The following OOSP2 variants were observed in gnomAD, a reference collection of about 807,000 sequenced individuals.
The protein encoded by OOSP2 is oocyte secreted protein 2, also known as oocyte-secreted protein 2.
Under a neutral mutation model 13.4 loss-of-function variants are expected in OOSP2, and 7 were observed. The ratio of observed to expected loss-of-function variants is 0.52; its 90% CI spans 0.30 to 0.98. OOSP2 has a LOEUF of 0.98. Among genes scored for constraint, OOSP2 ranks in the 50% least tolerant of loss-of-function variants. The probability of loss-of-function intolerance (pLI) is 0.07; values close to 1 mark genes in which losing one functional copy is unlikely to be tolerated. For synonymous variants in OOSP2, 75 were observed against 67.2 expected (o/e 1.12, Z -0.57); for missense variants, 184 against 188.5 (o/e 0.98, Z 0.14).
In OOSP2 at chr11:60,047,494, CAT is replaced by C. The variant is rs1354533853; in HGVS notation, c.*424_*425del. 2.6e-4 allele frequency: 40 copies of C among 152,778 alleles called. No homozygotes were observed. The highest frequency in any genetic ancestry group is 2.5e-3 in the Admixed American group (38 of 15,294). 9.5% of individuals were successfully genotyped at this position (152,778 alleles called of 1,614,324 possible). On this transcript the variant is annotated 3_prime_UTR_variant, in exon 4 of 4. Transcript: ENST00000278855. ...ACTTTGAGCATAGTGTAAAATTTAA[CAT>C]ATTAACTCTCACGAAAGGCAAAATC... is the stretch of plus-strand genomic sequence containing the variant.
rs553333442 is a variant in OOSP2 at position 60,042,983 on chromosome 11, C to G, written c.65-486C>G. Among the ~76,000 whole-genome samples, 233 of 152,168 alleles carry G rather than the reference C, an allele frequency of 1.5e-3. 2 individuals are homozygous for G. Among genetic ancestry groups the G allele is most frequent in the African/African-American group, 5.4e-3 (224 of 41,498 alleles). On this transcript the variant is annotated intron_variant, in intron 1 of 3. Transcript: ENST00000278855. Reference sequence around the variant, plus strand: ...GCAGTGGCGCGATCTTGGTTCACTGCAAGCCCCGCCTCCTGGGTTCTCGCC... The same window carrying G: ...GCAGTGGCGCGATCTTGGTTCACTGGAAGCCCCGCCTCCTGGGTTCTCGCC...
chr11:60,041,435 G>C (rs948046708), intron 1 of OOSP2, among the ~76,000 whole-genome samples: 1 of 152,144 alleles, frequency 6.6e-6, no homozygotes, highest in Non-Finnish European at 1.5e-5. Flanking sequence ...GGGTGGGTAG[G>C]GTGTTTAGGC....
chr11:60,046,184 G>A (rs571968366), intron 3 of OOSP2, among the ~76,000 whole-genome samples: 11 of 144,124 alleles, frequency 7.6e-5, no homozygotes, highest in African/African-American at 2.8e-4. Context: ...CCTCTCTCTC[G>A]GTTTCTCTGT....
intron 3 of OOSP2, among the ~76,000 whole-genome samples, chr11:60,045,584 T>A (rs988039686): frequency 6.7e-6 from 1 of 150,366 alleles, no homozygotes; most frequent in Admixed American, 6.7e-5. Flanking sequence ...AATTTTTTTT[T>A]AATTTTGGTA....
At chr11:60,041,009 G>A (rs1193869087) in intron 1 of OOSP2, among the ~76,000 whole-genome samples, 1 of 152,204 alleles carries the variant, frequency 6.6e-6, no homozygotes, top group East Asian at 1.9e-4. Context: ...GTTCTGCAAA[G>A]TTAATAGGAG....
chr11:60,044,979 G>A (rs997101288), intron 3 of OOSP2, among the ~76,000 whole-genome samples: 1 of 151,282 alleles, frequency 6.6e-6, no homozygotes, highest in Non-Finnish European at 1.5e-5. Flanking sequence ...GTTTATTTTA[G>A]AATAAAAACA....
rs535128699 is a variant in OOSP2 at position 60,043,150 on chromosome 11, C to T, written c.65-319C>T. 3.0e-4 allele frequency among the ~76,000 whole-genome samples: 45 copies of T among 152,224 alleles called. No individual in the cohort carries two copies. In the East Asian group the frequency reaches 7.3e-3, roughly 25 times the overall value. On this transcript the variant is annotated intron_variant, in intron 1 of 3. Coordinates refer to ENST00000278855, the MANE Select transcript of OOSP2 (RefSeq NM_173801.5). ...CGATCTCCTGACCTTGTAATGCGCC[C>T]GCCTCGGCCTCCCAAAAGGCTGGGA... is the stretch of plus-strand genomic sequence containing the variant.
chr11:60,047,264 G>T lies in OOSP2; in HGVS notation c.*191G>T. 2 of 463,514 alleles carry T rather than the reference G, an allele frequency of 4.3e-6. No individual in the cohort carries two copies. The highest frequency in any genetic ancestry group is 7.6e-6 in the Non-Finnish European group (2 of 262,010). The allele number at this position is 463,514 out of a possible 1,614,324, so 28.7% of individuals were successfully genotyped here. ...ATTTCTAAATATTTGTATTCAGTAGGGGTATGGCTGATTAATTTAACATTA... is the reference window on the plus strand; with the variant it reads ...ATTTCTAAATATTTGTATTCAGTAGTGGTATGGCTGATTAATTTAACATTA... On this transcript the variant is annotated 3_prime_UTR_variant, in exon 4 of 4. Transcript: ENST00000278855.
chr11:60,041,671 T>G (rs1854928866), intron 1 of OOSP2, among the ~76,000 whole-genome samples: 1 of 151,402 alleles, frequency 6.6e-6, no homozygotes, highest in Non-Finnish European at 1.5e-5. Context: ...GCCAACATGG[T>G]GAAACCTCGT....
Position 60,047,197 on chromosome 11 carries a change from C to T in OOSP2, c.*124C>T. 1 of 752,974 alleles carries T rather than the reference C, an allele frequency of 1.3e-6. No individual in the cohort carries two copies. Among genetic ancestry groups the T allele is most frequent in the Non-Finnish European group, 2.2e-6 (1 of 464,802 alleles). The allele number at this position is 752,974 out of a possible 1,614,324, so 46.6% of individuals were successfully genotyped here. On this transcript the variant is annotated 3_prime_UTR_variant, in exon 4 of 4. Transcript: ENST00000278855. ...CTTAAGTCTCTGGTTTCTAAAAACC[C>T]TACTTCAGTAAAGGTCCTGATTAGT...
At chr11:60,043,694 C>A (rs1854970612) in intron 2 of OOSP2, 47 bp downstream of exon 2, 1 of 1,040,080 alleles carries the variant, frequency 9.6e-7, no homozygotes, top group Non-Finnish European at 1.5e-6. Flanking sequence ...TTTTGTCAGA[C>A]TTTTATGCCT....
intron 3 of OOSP2, among the ~76,000 whole-genome samples, chr11:60,046,167 CGCTCTGCCTCTCTCTCGGTT>C (rs1855005957): frequency 6.6e-6 from 1 of 151,498 alleles, no homozygotes; most frequent in Non-Finnish European, 1.5e-5. Context: ...CTCTGTCTCT[CGCTCTGCCTCTCTCTCGGTT>C]TCTCTGTCTC....
intron 3 of OOSP2, among the ~76,000 whole-genome samples, chr11:60,046,023 C>CCTCTGT (rs146122045): frequency 0.23 from 33,929 of 149,986 alleles, 4,314 homozygotes; most frequent in East Asian, 0.41. Flanking sequence ...TCTGCCTTTG[C>CCTCTGT]CTCTGTCTCT....
intron 1 of OOSP2, among the ~76,000 whole-genome samples, chr11:60,040,729 T>A (rs1245791611): frequency 1.3e-5 from 2 of 152,212 alleles, no homozygotes; most frequent in East Asian, 3.8e-4. Flanking sequence ...CAGGCTTTTA[T>A]TTCTCTCTCT....
chr11:60,046,898 C>G (rs1366201823), intron 3 of OOSP2, 46 bp from the exon 4 acceptor site: 1 of 1,560,878 alleles, frequency 6.4e-7, no homozygotes, highest in African/African-American at 1.4e-5. Context: ...CTGACTTGAT[C>G]CCAAGTGCTC....
At chr11:60,042,666 C>T (rs1387796374) in intron 1 of OOSP2, among the ~76,000 whole-genome samples, 1 of 152,246 alleles carries the variant, frequency 6.6e-6, no homozygotes, top group African/African-American at 2.4e-5. Context: ...CTTTCTCTCT[C>T]TTTTTCCTTT....
In OOSP2 at chr11:60,047,101, T is replaced by C; in HGVS notation, c.*28T>C. On this transcript the variant is annotated 3_prime_UTR_variant, in exon 4 of 4. Coordinates refer to ENST00000278855, the MANE Select transcript of OOSP2 (RefSeq NM_173801.5). The stretch of plus-strand genomic sequence containing the variant: ...TAAAGGAGAAATGGAAACTTGAAGC[T>C]GGTGTTATGTATTTTGCAGGAAAAC... 3.8e-6 allele frequency: 6 copies of C among 1,572,640 alleles called. No homozygotes were observed. Among genetic ancestry groups the C allele is most frequent in the Non-Finnish European group, 5.2e-6 (6 of 1,159,552 alleles).
At position 60,040,513 on chromosome 11, in the gene OOSP2, G is replaced by A; in HGVS notation, c.54G>A (p.Glu18=). Residue 18 remains glutamate, a synonymous_variant, in exon 1 of 4, where the codon GAG becomes GAA. Transcript: ENST00000278855. ...LLAVLIWTGA[E]NLHVKISCSL... is the part of the protein sequence containing the mutation. The stretch of plus-strand genomic sequence containing the variant: ...CTGTCTTGATTTGGACCGGTGCTGA[G>A]AACCTCCATGGTAAATAACAAGTTT... The A allele has an allele frequency of 2.5e-6, 4 of 1,575,076 alleles. No homozygotes were observed. The highest frequency in any genetic ancestry group is 3.5e-6 in the Non-Finnish European group (4 of 1,144,322).
intron 3 of OOSP2, 32 bp from the exon 4 acceptor site, chr11:60,046,912 C>T (rs1393022348): frequency 6.3e-7 from 1 of 1,594,358 alleles, no homozygotes; most frequent in African/African-American, 1.3e-5. Context: ...AGTGCTCCAA[C>T]ACTATCTGCT....
Sources: gnomAD v4.1 joint callset for allele counts (sites outside exome capture counted in the v4.1 genomes callset) on GRCh38, gnomAD v4.1.1 for gene constraint, MANE v1.5 for transcripts, NCBI Gene and HGNC (gene_info 2026-07-23, HGNC 2026-07-21) for gene names.